The following FMN1 variants were observed in gnomAD, a reference collection of about 807,000 sequenced individuals.
The protein encoded by FMN1 is formin-1.
A neutral mutation model predicts 132.4 loss-of-function variants in FMN1; 110 were observed. The observed-to-expected ratio is 0.83, with a 90% CI of 0.71 to 0.97. FMN1 has a LOEUF of 0.97. FMN1 is among the 50% of genes least tolerant of loss of function. The probability of loss-of-function intolerance (pLI) is 0.00; values close to 1 mark genes in which losing one functional copy is unlikely to be tolerated. For synonymous variants in FMN1, 722 were observed against 651.7 expected, an observed-to-expected ratio of 1.11 and a Z score of -1.64; for missense variants, 1,792 against 1,705.3, an observed-to-expected ratio of 1.05 and a Z score of -0.90.
At chr15:33,029,882 G>A (rs903288620) in intron 6 of FMN1, among the ~76,000 whole-genome samples, 2 of 152,224 alleles carry the variant, frequency 1.3e-5, no homozygotes, top group Non-Finnish European at 2.9e-5. Context: ...CAAAGGCCAG[G>A]TGCGGTGGCT....
chr15:32,885,045 G>A (rs751851321), intron 16 of FMN1, among the ~76,000 whole-genome samples: 1 of 152,206 alleles, frequency 6.6e-6, no homozygotes, highest in Non-Finnish European at 1.5e-5. Context: ...TTTTACAGGT[G>A]AGAAAGTGAA....
intron 9 of FMN1, among the ~76,000 whole-genome samples, chr15:32,940,664 C>T (rs2061382438): frequency 1.3e-5 from 2 of 152,112 alleles, no homozygotes; most frequent in East Asian, 3.9e-4. Context: ...ATGTTACATC[C>T]AGTGCCTTTT....
rs1483877935 is a variant in FMN1 at position 33,153,684 on chromosome 15, C to T, written c.1231G>A (p.Ala411Thr). 3.3e-6 allele frequency: 5 copies of T among 1,536,290 alleles called. No individual in the cohort carries two copies. Among genetic ancestry groups the T allele is most frequent in the Non-Finnish European group, 3.5e-6 (4 of 1,146,992 alleles). ...TTGTTCACGGCCCCCTCGGCACTGG[C>T]CGACACACTAGAAATGGAGGCTGTT... is the stretch of plus-strand genomic sequence containing the variant. ...GETASISSVSASAEGAVNKVP... is the reference protein window; with the variant it reads ...GETASISSVSTSAEGAVNKVP... The change falls in exon 4 of 21, where the codon GCC (alanine) becomes ACC (threonine). Residue 411 changes from alanine (A) to threonine (T), a missense_variant. This residue lies in a region of FMN1 where 638 missense variants were observed against 645.2 expected (regional missense o/e 0.99). Coordinates refer to ENST00000616417, the MANE Select transcript of FMN1 (RefSeq NM_001277313.2).
intron 17 of FMN1, among the ~76,000 whole-genome samples, chr15:32,820,691 G>C (rs551199786): frequency 6.6e-6 from 1 of 152,298 alleles, no homozygotes; most frequent in Non-Finnish European, 1.5e-5. Context: ...ATTTGAGACT[G>C]TCAGTCCTCC....
chr15:32,970,109 A>G (rs1282568566), intron 7 of FMN1, among the ~76,000 whole-genome samples: 1 of 152,230 alleles, frequency 6.6e-6, no homozygotes, highest in Non-Finnish European at 1.5e-5. Context: ...ATATTATAGT[A>G]TGCCATTTTC....
At chr15:32,952,029 G>C (rs148229806) in intron 9 of FMN1, among the ~76,000 whole-genome samples, 242 of 152,280 alleles carry the variant, frequency 1.6e-3, no homozygotes, top group Non-Finnish European at 2.8e-3. Context: ...TGAATTCATA[G>C]GTATGAACTC....
chr15:33,018,275 T>C (rs1023649931), intron 6 of FMN1, among the ~76,000 whole-genome samples: 1 of 151,862 alleles, frequency 6.6e-6, no homozygotes, highest in East Asian at 1.9e-4. Context: ...AAGTGATGTC[T>C]TTTTTTTAAT....
At chr15:32,918,646 C>T (rs896695485) in intron 10 of FMN1, among the ~76,000 whole-genome samples, 1 of 152,180 alleles carries the variant, frequency 6.6e-6, no homozygotes, top group Admixed American at 6.5e-5. Context: ...GGGCACAGGG[C>T]ATAGAATTCA....
At chr15:33,071,746 A>G (rs1480762625) in intron 5 of FMN1, among the ~76,000 whole-genome samples, 2 of 152,254 alleles carry the variant, frequency 1.3e-5, no homozygotes, top group African/African-American at 2.4e-5. Flanking sequence ...TCTCATGACC[A>G]TAAAAAATGT....
intron 6 of FMN1, among the ~76,000 whole-genome samples, chr15:33,030,580 A>G (rs62002761): frequency 0.27 from 41,311 of 152,114 alleles, 5,832 homozygotes; most frequent in Non-Finnish European, 0.31. Flanking sequence ...TAACACTAAA[A>G]TAGAATTTTA....
chr15:32,804,146 G>A (rs2057577007), intron 18 of FMN1, 135 bp downstream of exon 18: 2 of 657,360 alleles, frequency 3.0e-6, no homozygotes, highest in Non-Finnish European at 5.2e-6. Context: ...GTGTTTAAAG[G>A]GTATAAAGTT....
At position 33,088,839 on chromosome 15, in the gene FMN1, C is replaced by A. The variant is rs34718785; in HGVS notation, c.2003G>T (p.Arg668Met). The change falls in exon 5 of 21, where the codon AGG (arginine) becomes ATG (methionine). Residue 668 changes from arginine to methionine, a missense_variant. Around this residue, in one of 3 missense-constraint regions of FMN1, gnomAD observed 1,150 missense variants for 1,043.1 expected, o/e 1.10. Transcript: ENST00000616417. ...CAATTCGCTCCTGTTTGACTTCTCC[C>A]TTTCCTCATGAAGCAAAAATGGACA... ...PACPFLLHEE[R>M]EKSNRSELYL... The A allele has an allele frequency of 3.3e-6, 5 of 1,535,726 alleles. No homozygotes were observed. Among genetic ancestry groups the A allele is most frequent in the Non-Finnish European group, 4.4e-6 (5 of 1,146,794 alleles).
intron 17 of FMN1, among the ~76,000 whole-genome samples, chr15:32,843,214 T>C (rs2058785643): frequency 6.6e-6 from 1 of 151,838 alleles, no homozygotes; most frequent in South Asian, 2.1e-4. Flanking sequence ...CTGTTTATTA[T>C]AGTCTCCCAG....
chr15:33,005,148 C>A lies in FMN1; in HGVS notation c.2223+2866G>T, dbSNP rs537876215. Among the ~76,000 whole-genome samples, 3 of 151,842 alleles carry A rather than the reference C, an allele frequency of 2.0e-5. No homozygotes were observed. In the East Asian group the frequency reaches 5.8e-4, roughly 29 times the overall value. On this transcript the variant is annotated intron_variant, in intron 7 of 20. Coordinates refer to ENST00000616417, the MANE Select transcript of FMN1 (RefSeq NM_001277313.2). The stretch of plus-strand genomic sequence containing the variant: ...GGCACATGTATACATATGTAACAAA[C>A]CTGCACGTTGTGCATATGTACCCTA...
chr15:33,113,407 C>T (rs574258289), intron 4 of FMN1, among the ~76,000 whole-genome samples: 1 of 145,142 alleles, frequency 6.9e-6, no homozygotes, highest in Non-Finnish European at 1.6e-5. Flanking sequence ...TTCATTCCAG[C>T]CTTTCTTTCT....
intron 17 of FMN1, among the ~76,000 whole-genome samples, chr15:32,834,164 C>A (rs2058570111): frequency 6.6e-6 from 1 of 152,174 alleles, no homozygotes; most frequent in Admixed American, 6.5e-5. Context: ...ATGGTAAACT[C>A]TTTTCTTAAA....
intron 4 of FMN1, among the ~76,000 whole-genome samples, chr15:33,090,495 G>A (rs2038864802): frequency 6.6e-6 from 1 of 152,064 alleles, no homozygotes; most frequent in Non-Finnish European, 1.5e-5. Context: ...TTGCCCTCTA[G>A]CAGGCTGTCC....
At chr15:32,861,771 C>T (rs2059274824) in intron 16 of FMN1, among the ~76,000 whole-genome samples, 1 of 152,154 alleles carries the variant, frequency 6.6e-6, no homozygotes, top group Non-Finnish European at 1.5e-5. Context: ...GATTTTCATT[C>T]CCGTGCTGAA....
intron 2 of FMN1, among the ~76,000 whole-genome samples, chr15:33,182,280 A>C (rs1302049054): frequency 6.6e-6 from 1 of 152,190 alleles, no homozygotes; most frequent in Non-Finnish European, 1.5e-5. Flanking sequence ...GGTTCTTAGA[A>C]ATGGGTGAAA....
Sources: gnomAD v4.1 joint callset for allele counts (sites outside exome capture counted in the v4.1 genomes callset) on GRCh38, gnomAD v4.1.1 for gene constraint, gnomAD v4.1.1 regional missense constraint, MANE v1.5 for transcripts, NCBI Gene and HGNC (gene_info 2026-07-23, HGNC 2026-07-21) for gene names.